Variants in DYSF observed in about 807,000 individuals in gnomAD.
The protein encoded by DYSF is dystrophy-associated fer-1-like 1.
In DYSF, 212 loss-of-function variants were observed where a neutral mutation model predicts 274.9. That is an observed-to-expected ratio of 0.77 (90% confidence interval 0.69 to 0.86). The LOEUF (loss-of-function observed/expected upper bound fraction) is 0.86. DYSF is among the 40% of genes least tolerant of loss of function. The pLI, the probability that DYSF is intolerant of heterozygous loss-of-function variation, is 0.00. For synonymous variants in DYSF, 1,091 were observed against 1,078.7 expected (o/e 1.01, Z -0.22); for missense variants, 2,666 against 2,783.2 (o/e 0.96, Z 0.95).
chr2:71,564,767 G>A (rs1202259266), intron 24 of DYSF, among the ~76,000 whole-genome samples: 1 of 152,208 alleles, frequency 6.6e-6, no homozygotes, highest in African/African-American at 2.4e-5. Context: ...CACCTCTCCT[G>A]CCCTTTCTCC....
At chr2:71,636,995 T>C (rs550511656) in intron 41 of DYSF, among the ~76,000 whole-genome samples, 2 of 152,276 alleles carry the variant, frequency 1.3e-5, no homozygotes, top group East Asian at 3.9e-4. Context: ...GCCTGAGTCA[T>C]TGGTGACCTT....
At chr2:71,565,984 T>G (rs2092076454) in intron 24 of DYSF, among the ~76,000 whole-genome samples, 2 of 152,166 alleles carry the variant, frequency 1.3e-5, no homozygotes. Flanking sequence ...CACAGTTGTG[T>G]GAGTGAGTGT....
At chr2:71,665,019 T>C (rs778178245) in intron 46 of DYSF, 143 bp from the exon 47 acceptor site, 35 of 1,305,796 alleles carry the variant, frequency 2.7e-5, no homozygotes, top group Non-Finnish European at 3.6e-5. Flanking sequence ...TGCCCAGTCA[T>C]GGTGAGCAAT....
chr2:71,594,849 C>T (rs1354649503), intron 32 of DYSF, among the ~76,000 whole-genome samples: 2 of 152,208 alleles, frequency 1.3e-5, no homozygotes. Context: ...CCCCTGTATA[C>T]TCCACTATTA....
At chr2:71,478,643 A>G (rs553537882) in intron 1 of DYSF, among the ~76,000 whole-genome samples, 1 of 152,288 alleles carries the variant, frequency 6.6e-6, no homozygotes, top group South Asian at 2.1e-4. Context: ...TTCCATGATC[A>G]GTGATTCACA....
Position 71,673,228 on chromosome 2 carries a change from C to T in DYSF, c.5785-969C>T, listed in dbSNP as rs139681607. 3.1e-3 allele frequency among the ~76,000 whole-genome samples: 479 copies of T among 152,290 alleles called. 3 individuals are homozygous for T. Among genetic ancestry groups the T allele is most frequent in the East Asian group, 4.4e-3 (23 of 5,170 alleles). On this transcript the variant is annotated intron_variant, in intron 51 of 55. Coordinates refer to ENST00000410020, the MANE Select transcript of DYSF (RefSeq NM_001130987.2). ...AGTGAGAAAACAGAGAACAAGACTG[C>T]GCTGGAAAGCCCTAGTGACAGTGCT... is the stretch of plus-strand genomic sequence containing the variant.
rs551391314 is a variant in DYSF at position 71,527,206 on chromosome 2, GGTGAGGCCCC to G, written c.1276+862_1276+871del. On this transcript the variant is annotated intron_variant, in intron 13 of 55. Coordinates refer to ENST00000410020, the MANE Select transcript of DYSF (RefSeq NM_001130987.2). Reference sequence around the variant, plus strand: ...TTAAAGGCTCCCCAGGTTGTTCTGTGGTGAGGCCCCGCTGTGAGCCACTATTTTAAAGCAT... The same window carrying G: ...TTAAAGGCTCCCCAGGTTGTTCTGTGGCTGTGAGCCACTATTTTAAAGCAT... Among the ~76,000 whole-genome samples, 29 of 152,324 alleles carry G rather than the reference GGTGAGGCCCC, an allele frequency of 1.9e-4. No individual in the cohort carries two copies. In the East Asian group the frequency reaches 5.6e-3, roughly 29 times the overall value.
intron 48 of DYSF, 32 bp from the exon 49 acceptor site, chr2:71,668,722 G>A: frequency 6.2e-7 from 1 of 1,604,244 alleles, no homozygotes; most frequent in Non-Finnish European, 8.5e-7. Flanking sequence ...TAAATGAGAA[G>A]GGTGGGGAGA....
At chr2:71,652,019 A>G (rs2094672761) in intron 42 of DYSF, among the ~76,000 whole-genome samples, 1 of 151,966 alleles carries the variant, frequency 6.6e-6, no homozygotes, top group African/African-American at 2.4e-5. Flanking sequence ...CTCTCAAGCT[A>G]ACAGCCAACA....
chr2:71,462,553 T>C (rs558822085), upstream of DYSF, among the ~76,000 whole-genome samples: 31 of 152,298 alleles, frequency 2.0e-4, no homozygotes, highest in African/African-American at 7.2e-4. Flanking sequence ...AGTCCTGCTG[T>C]TCAGTGGGTC....
Position 71,600,740 on chromosome 2 carries a change from G to A in DYSF, c.3795G>A (p.Pro1265=), listed in dbSNP as rs922788254. The A allele has an allele frequency of 7.4e-6, 12 of 1,613,960 alleles. No homozygotes were observed. Among genetic ancestry groups the A allele is most frequent in the Middle Eastern group, 1.6e-4 (1 of 6,084 alleles). ...DEFMGRCICQ[P]SLERMPRLAW... ...TTATGGGTCGCTGCATCTGTCAACC[G>A]AGTCTGGAACGGATGCCACGGCTGG... The change falls in exon 34 of 56, where the codon CCG becomes CCA. Residue 1265 remains proline (P), a synonymous_variant. Coordinates refer to ENST00000410020, the MANE Select transcript of DYSF (RefSeq NM_001130987.2).
intron 47 of DYSF, among the ~76,000 whole-genome samples, chr2:71,666,250 CAA>C (rs970562644): frequency 6.6e-6 from 1 of 152,182 alleles, no homozygotes; most frequent in African/African-American, 2.4e-5. Flanking sequence ...TCATAGGAAA[CAA>C]AAGCCAGAAA....
intron 17 of DYSF, among the ~76,000 whole-genome samples, chr2:71,548,594 G>C (rs567376441): frequency 1.6e-4 from 25 of 152,304 alleles, no homozygotes; most frequent in African/African-American, 5.8e-4. Flanking sequence ...GTGAGGGACA[G>C]ATTCAGAGTC....
At chr2:71,541,612 T>C (rs2089937198) in intron 17 of DYSF, among the ~76,000 whole-genome samples, 1 of 152,046 alleles carries the variant, frequency 6.6e-6, no homozygotes, top group Non-Finnish European at 1.5e-5. Context: ...TATTGTTTCC[T>C]TCTTTAACTT....
At chr2:71,470,159 C>T (rs2081874776) in intron 1 of DYSF, among the ~76,000 whole-genome samples, 1 of 152,184 alleles carries the variant, frequency 6.6e-6, no homozygotes, top group African/African-American at 2.4e-5. Flanking sequence ...CTCATCCTGT[C>T]AGGGCGTCTC....
chr2:71,551,601 T>A lies in DYSF; in HGVS notation c.1693-6T>A, dbSNP rs886039573. Reference sequence around the variant, plus strand: ...CCTGCTCCTTGTGACCTGACCTCCCTGGCAGGGGGAAGGTGTGGCTTATCG... The same window carrying A: ...CCTGCTCCTTGTGACCTGACCTCCCAGGCAGGGGGAAGGTGTGGCTTATCG... On this transcript the variant is annotated splice_polypyrimidine_tract_variant and splice_region_variant and intron_variant, in intron 18 of 55. Coordinates refer to ENST00000410020, the MANE Select transcript of DYSF (RefSeq NM_001130987.2). 6.2e-6 allele frequency: 10 copies of A among 1,600,704 alleles called. No individual in the cohort carries two copies. The highest frequency in any genetic ancestry group is 8.5e-6 in the Non-Finnish European group (10 of 1,175,578).
chr2:71,557,064 C>T (rs570407937), intron 22 of DYSF, among the ~76,000 whole-genome samples: 6 of 152,198 alleles, frequency 3.9e-5, no homozygotes, highest in Admixed American at 2.6e-4. Context: ...GAATTCCAGA[C>T]AGGCCATTCA....
At chr2:71,544,371 C>G (rs747000043) in intron 17 of DYSF, among the ~76,000 whole-genome samples, 1 of 151,878 alleles carries the variant, frequency 6.6e-6, no homozygotes, top group Admixed American at 6.6e-5. Flanking sequence ...AGCTGGAGAT[C>G]GTCTCCAGAT....
At chr2:71,635,550 C>G (rs2094386192) in intron 41 of DYSF, among the ~76,000 whole-genome samples, 1 of 151,940 alleles carries the variant, frequency 6.6e-6, no homozygotes, top group Non-Finnish European at 1.5e-5. Context: ...GAGTTTGAAA[C>G]CAGCCTGGCC....
Sources: gnomAD v4.1 joint callset for allele counts (sites outside exome capture counted in the v4.1 genomes callset) on GRCh38, gnomAD v4.1.1 for gene constraint, MANE v1.5 for transcripts, NCBI Gene and HGNC (gene_info 2026-07-23, HGNC 2026-07-21) for gene names.